Variants in FADS1 observed in about 807,000 individuals in gnomAD.
The protein encoded by FADS1 is fatty acid desaturase 1.
A neutral mutation model predicts 61.6 loss-of-function variants in FADS1; 17 were observed. The observed-to-expected ratio is 0.28, with a 90% CI of 0.19 to 0.41. FADS1 has a LOEUF of 0.41. Ranked by LOEUF, FADS1 falls within the 10% of genes least tolerant of loss-of-function variation. The pLI is 1.00. For missense variants in FADS1, 387 were observed against 650.9 expected (o/e 0.59, Z 4.41); for synonymous variants, 238 against 258.7 (o/e 0.92, Z 0.77).
At chr11:61,807,067 ACT>A (rs1475267963) in intron 5 of FADS1, among the ~76,000 whole-genome samples, 1 of 151,872 alleles carries the variant, frequency 6.6e-6, no homozygotes, top group African/African-American at 2.4e-5. Flanking sequence ...CTCCCATCGT[ACT>A]TTTTTGTTTA....
chr11:61,811,106 C>T (rs777491317), intron 3 of FADS1, 31 bp from the exon 4 acceptor site: 33 of 1,544,734 alleles, frequency 2.1e-5, no homozygotes, highest in Non-Finnish European at 2.8e-5. Flanking sequence ...CTGAGAGCAG[C>T]CCACCAGCCC....
At chr11:61,811,245 C>T (rs1040889390) in intron 3 of FADS1, among the ~76,000 whole-genome samples, 170 bp from the exon 4 acceptor site, 3 of 152,180 alleles carry the variant, frequency 2.0e-5, no homozygotes, top group African/African-American at 7.2e-5. Flanking sequence ...CTGACTCACA[C>T]GTGAGTTGGG....
chr11:61,804,455 A>G (rs1591150140), intron 7 of FADS1: 2 of 511,252 alleles, frequency 3.9e-6, no homozygotes, highest in East Asian at 3.1e-5. Flanking sequence ...TGCCCAGTAC[A>G]AGAACCTCTG....
Position 61,810,805 on chromosome 11 carries a change from T to G in FADS1, c.861A>C (p.Pro287=), listed in dbSNP as rs2066926145. ...AGAAGAAGGGATGCATGTTGATGTCTGGGTCTTTGCGGAAGCAGTTGGGCT... is the reference window on the plus strand; with the variant it reads ...AGAAGAAGGGATGCATGTTGATGTCGGGGTCTTTGCGGAAGCAGTTGGGCT... The part of the protein sequence containing the change: ...HAKPNCFRKD[P]DINMHPFFFA... The change falls in exon 5 of 12, where the codon CCA becomes CCC. Residue 287 remains proline (P), a synonymous_variant. Transcript: ENST00000350997. 1 of 1,614,204 alleles carries G rather than the reference T, an allele frequency of 6.2e-7. No individual in the cohort carries two copies. Among genetic ancestry groups the G allele is most frequent in the Non-Finnish European group, 8.5e-7 (1 of 1,180,046 alleles).
Position 61,802,882 on chromosome 11 carries a change from G to T in FADS1, c.1373C>A (p.Pro458His). The T allele has an allele frequency of 6.2e-7, 1 of 1,614,172 alleles. No homozygotes were observed. The highest frequency in any genetic ancestry group is 8.5e-7 in the Non-Finnish European group (1 of 1,180,008). Residue 458 changes from proline (P) to histidine (H), a missense_variant, in exon 11 of 12, where the codon CCC (proline) becomes CAC (histidine). Around this residue, in one of 2 missense-constraint regions of FADS1, gnomAD observed 257 missense variants for 533.3 expected, o/e 0.48. Transcript: ENST00000350997. The surrounding 1 kb of genome is among the most constrained non-coding windows in gnomAD (Gnocchi z 4.2). Reference protein sequence around the residue: ...MPRHNYHKVAPLVQSLCAKHG... With the variant: ...MPRHNYHKVAHLVQSLCAKHG... ...CTTGGCACACAAGGACTGCACCAGG[G>T]GAGCCACTTTGTGGTAATTGTGTCG...
Position 61,812,647 on chromosome 11 carries a change from G to A in FADS1, c.508C>T (p.Arg170Trp), listed in dbSNP as rs1405819569. ...TKNKELTDEFRELRATVERMG... is the reference protein window; with the variant it reads ...TKNKELTDEFWELRATVERMG... ...CGCTCCACTGTGGCCCGCAGCTCCC[G>A]GAACTCATCTGTCAGCTCTTTCTGC... The change falls in exon 3 of 12, where the codon CGG (arginine) becomes TGG (tryptophan). Residue 170 changes from arginine (R) to tryptophan (W), a missense_variant. Coordinates refer to ENST00000350997, the MANE Select transcript of FADS1 (RefSeq NM_013402.7). 8 of 1,614,014 alleles carry A rather than the reference G, an allele frequency of 5.0e-6. No homozygotes were observed. Among genetic ancestry groups the A allele is most frequent in the African/African-American group, 1.3e-5 (1 of 75,028 alleles).
chr11:61,813,368 A>C lies in FADS1; in HGVS notation c.376-15T>G. The C allele has an allele frequency of 1.3e-6, 2 of 1,504,730 alleles. No homozygotes were observed. The highest frequency in any genetic ancestry group is 1.8e-6 in the Non-Finnish European group (2 of 1,082,500). The allele number at this position is 1,504,730 out of a possible 1,614,324, so 93.2% of individuals were successfully genotyped here. A position where few individuals can be genotyped will look rare whatever the true frequency, so the allele number is the denominator to read the frequency against. Reference sequence around the variant, plus strand: ...ACAAAGGGATCCTGCAAGTGCCGGGAGAAGATGAAAGGTGAGGGAGCCAGC... The same window carrying C: ...ACAAAGGGATCCTGCAAGTGCCGGGCGAAGATGAAAGGTGAGGGAGCCAGC... On this transcript the variant is annotated splice_polypyrimidine_tract_variant and intron_variant, in intron 1 of 11. Coordinates refer to ENST00000350997, the MANE Select transcript of FADS1 (RefSeq NM_013402.7).
At position 61,812,644 on chromosome 11, in the gene FADS1, C is replaced by G. The variant is rs1391251649; in HGVS notation, c.511G>C (p.Glu171Gln). 1.9e-6 allele frequency: 3 copies of G among 1,614,098 alleles called. No individual in the cohort carries two copies. The highest frequency in any genetic ancestry group is 1.7e-5 in the Admixed American group (1 of 60,016). Residue 171 changes from glutamate to glutamine, a missense_variant, in exon 3 of 12, where the codon GAG becomes CAG. Glu to Gln is a conservative substitution (Grantham distance 29, BLOSUM62 2). Coordinates refer to ENST00000350997, the MANE Select transcript of FADS1 (RefSeq NM_013402.7). ...KNKELTDEFR[E>Q]LRATVERMGL... ...ATCCGCTCCACTGTGGCCCGCAGCT[C>G]CCGGAACTCATCTGTCAGCTCTTTC...
At chr11:61,804,925 C>G (rs1000008217) in intron 6 of FADS1, 164 bp from the exon 7 acceptor site, 18 of 626,764 alleles carry the variant, frequency 2.9e-5, no homozygotes, top group Non-Finnish European at 3.7e-5. Context: ...CTGGAACCAG[C>G]AGGCACTGAA....
At chr11:61,807,374 G>A (rs928133363) in intron 5 of FADS1, among the ~76,000 whole-genome samples, 10 of 152,052 alleles carry the variant, frequency 6.6e-5, no homozygotes, top group Admixed American at 3.9e-4. Flanking sequence ...GGCCGCCATC[G>A]TACTTTTTCA....
In FADS1 at chr11:61,816,825, G is replaced by A; in HGVS notation, c.105C>T (p.Ser35=). 1 of 1,488,908 alleles carries A rather than the reference G, an allele frequency of 6.7e-7. No individual in the cohort carries two copies. Among genetic ancestry groups the A allele is most frequent in the Non-Finnish European group, 8.9e-7 (1 of 1,129,620 alleles). The allele number at this position is 1,488,908 out of a possible 1,614,324, so 92.2% of individuals were successfully genotyped here. ...LGARQQIHSW[S]PRTPSTRLTA... ...TCAGGCGCGTGCTCGGGGTCCGCGGGCTCCAGGAGTGGATTTGCTGGCGCG... is the reference window on the plus strand; with the variant it reads ...TCAGGCGCGTGCTCGGGGTCCGCGGACTCCAGGAGTGGATTTGCTGGCGCG... The change falls in exon 1 of 12, where the codon AGC becomes AGT. Residue 35 remains serine, a synonymous_variant. Transcript: ENST00000350997. The surrounding 1 kb of genome is among the most constrained non-coding windows in gnomAD (Gnocchi z 7.0).
rs11823265 is a variant in FADS1 at position 61,816,868 on chromosome 11, C to T, written c.62G>A (p.Arg21Lys). 10 of 1,478,784 alleles carry T rather than the reference C, an allele frequency of 6.8e-6. No individual in the cohort carries two copies. The highest frequency in any genetic ancestry group is 8.9e-6 in the Non-Finnish European group (10 of 1,125,494). The allele number at this position is 1,478,784 out of a possible 1,614,324, so 91.6% of individuals were successfully genotyped here. The change falls in exon 1 of 12, where the codon AGG (arginine) becomes AAG (lysine). Residue 21 changes from arginine to lysine, a missense_variant. By Grantham distance (26) the Arg-to-Lys change is conservative (BLOSUM62 2). Around this residue, in one of 2 missense-constraint regions of FADS1, gnomAD observed 130 missense variants for 117.7 expected, o/e 1.10. Coordinates refer to ENST00000350997, the MANE Select transcript of FADS1 (RefSeq NM_013402.7). This position sits in a 1 kb window ranked among gnomAD's most constrained non-coding sequence, Gnocchi z 7.0. The part of the protein sequence containing the change: ...LPCGAENPAR[R>K]RLALGARQQI... ...CTGGCGCGCGCCCAGAGCCAGCCGC[C>T]TGCGCGCCGGGTTTTCAGCACCGCA...
Position 61,802,634 on chromosome 11 carries a change from C to T in FADS1, c.1454+167G>A, listed in dbSNP as rs967263338. On this transcript the variant is annotated intron_variant, in intron 11 of 11. Coordinates refer to ENST00000350997, the MANE Select transcript of FADS1 (RefSeq NM_013402.7). This position sits in a 1 kb window ranked among gnomAD's most constrained non-coding sequence, Gnocchi z 4.2. ...AGGGGAACCCCAATGAGGGCAAAGG[C>T]CTGACCTGGCCACAGGTCCAATAAA... Among the ~76,000 whole-genome samples the T allele has an allele frequency of 3.3e-5, 5 of 152,236 alleles. No individual in the cohort carries two copies. The highest frequency in any genetic ancestry group is 7.2e-5 in the African/African-American group (3 of 41,460).
Position 61,803,740 on chromosome 11 carries a change from C to A in FADS1, c.1081G>T (p.Val361Phe), listed in dbSNP as rs752751648. ...GGCACATAAGTGAGGAAGAAGCGGA[C>A]GTAGAAGGTAATCATCCAGGCCAAG... is the stretch of plus-strand genomic sequence containing the variant. ...VDLAWMITFY[V>F]RFFLTYVPLL... The change falls in exon 8 of 12, where the codon GTC becomes TTC. Residue 361 changes from valine to phenylalanine, a missense_variant. Val to Phe is a conservative substitution (Grantham distance 50). Around this residue, in one of 2 missense-constraint regions of FADS1, gnomAD observed 257 missense variants for 533.3 expected, o/e 0.48. Coordinates refer to ENST00000350997, the MANE Select transcript of FADS1 (RefSeq NM_013402.7). This position sits in a 1 kb window ranked among gnomAD's most constrained non-coding sequence, Gnocchi z 4.3. The A allele has an allele frequency of 6.2e-7, 1 of 1,613,904 alleles. No homozygotes were observed. The highest frequency in any genetic ancestry group is 1.1e-5 in the South Asian group (1 of 91,080).
In FADS1 at chr11:61,800,474, T is replaced by A. The variant is rs2066848594; in HGVS notation, c.*1937A>T. 1 of 152,372 alleles carries A rather than the reference T, an allele frequency of 6.6e-6. No individual in the cohort carries two copies. The highest frequency in any genetic ancestry group is 1.5e-5 in the Non-Finnish European group (1 of 68,036). 9.4% of individuals were successfully genotyped at this position (152,372 alleles called of 1,614,324 possible). On this transcript the variant is annotated 3_prime_UTR_variant, in exon 12 of 12. Transcript: ENST00000350997. ...AGCCCATTCTTCCTGTGTCTTTGTG[T>A]TGACAAACCTCTAATCTTCCATGTC...
chr11:61,802,904 G>T lies in FADS1; in HGVS notation c.1351C>A (p.His451Asn). The change falls in exon 11 of 12, where the codon CAC (histidine) becomes AAC (asparagine). Residue 451 changes from histidine to asparagine, a missense_variant. By Grantham distance (68) the His-to-Asn change is moderately conservative. Around this residue, in one of 2 missense-constraint regions of FADS1, gnomAD observed 257 missense variants for 533.3 expected, o/e 0.48. Transcript: ENST00000350997. This position sits in a 1 kb window ranked among gnomAD's most constrained non-coding sequence, Gnocchi z 4.2. Reference protein sequence around the residue: ...EHHLFPTMPRHNYHKVAPLVQ... With the variant: ...EHHLFPTMPRNNYHKVAPLVQ... ...AGGGGAGCCACTTTGTGGTAATTGT[G>T]TCGAGGCATCGTGGGAAAAAGACTT... 1.2e-6 allele frequency: 2 copies of T among 1,613,998 alleles called. No homozygotes were observed. Among genetic ancestry groups the T allele is most frequent in the Non-Finnish European group, 8.5e-7 (1 of 1,179,890 alleles).
intron 6 of FADS1, 48 bp from the exon 7 acceptor site, chr11:61,804,809 A>G (rs746224626): frequency 1.8e-5 from 27 of 1,514,720 alleles, no homozygotes; most frequent in Non-Finnish European, 2.5e-5. Context: ...CAGGAAGGTC[A>G]TGAAAGGGCC....
chr11:61,806,385 C>A (rs2135936179), intron 6 of FADS1: 2 of 448,070 alleles, frequency 4.5e-6, no homozygotes, highest in South Asian at 3.4e-5. Flanking sequence ...GAGGATAAAG[C>A]AAGAGGCCCC....
In FADS1 at chr11:61,801,223, A is replaced by T. The variant is rs1311377866; in HGVS notation, c.*1188T>A. ...ATGACCGAAATCTGTGTCTTTCCTCATGACTGATAATTATCTCCCAATTTG... is the reference window on the plus strand; with the variant it reads ...ATGACCGAAATCTGTGTCTTTCCTCTTGACTGATAATTATCTCCCAATTTG... On this transcript the variant is annotated 3_prime_UTR_variant, in exon 12 of 12. Transcript: ENST00000350997. 1 of 152,300 alleles carries T rather than the reference A, an allele frequency of 6.6e-6. No homozygotes were observed. Among genetic ancestry groups the T allele is most frequent in the East Asian group, 1.9e-4 (1 of 5,336 alleles). The allele number at this position is 152,300 out of a possible 1,614,324, so 9.4% of individuals were successfully genotyped here.
Sources: allele counts gnomAD v4.1 joint callset (sites outside exome capture counted in the v4.1 genomes callset), GRCh38; gene constraint gnomAD v4.1.1; regional missense constraint gnomAD v4.1.1; non-coding constraint Gnocchi (gnomAD v3.1); transcripts MANE v1.5; gene names NCBI Gene and HGNC (gene_info 2026-07-23, HGNC 2026-07-21).